NCBP1: variants seen among roughly 807,000 people sequenced by gnomAD.
NCBP1 encodes nuclear cap binding protein subunit 1, also known as nuclear cap-binding protein subunit 1.
In NCBP1, 16 loss-of-function variants were observed where a neutral mutation model predicts 111.7. That is an observed-to-expected ratio of 0.14 (90% CI 0.10 to 0.22). The LOEUF (loss-of-function observed/expected upper bound fraction) is 0.22, where lower values mean the gene tolerates loss of function less well. NCBP1 is among the 10% of genes least tolerant of loss of function. The probability of loss-of-function intolerance (pLI) is 1.00; values close to 1 mark genes in which losing one functional copy is unlikely to be tolerated. For synonymous variants in NCBP1, 304 were observed against 314.3 expected, an observed-to-expected ratio of 0.97 and a Z score of 0.35; for missense variants, 607 against 957.5, an observed-to-expected ratio of 0.63 and a Z score of 4.83.
chr9:97,638,353 A>G (rs1638240249), intron 1 of NCBP1, among the ~76,000 whole-genome samples: 1 of 152,112 alleles, frequency 6.6e-6, no homozygotes, highest in African/African-American at 2.4e-5. Flanking sequence ...ATGTACATGT[A>G]TTTTCTAGTT....
intron 14 of NCBP1, among the ~76,000 whole-genome samples, chr9:97,657,532 G>T (rs1827695010): frequency 6.6e-6 from 1 of 152,074 alleles, no homozygotes; most frequent in African/African-American, 2.4e-5. Context: ...GTCAATATCT[G>T]CCAGCTTTCT....
intron 17 of NCBP1, 42 bp from the exon 18 acceptor site, chr9:97,662,912 G>T: frequency 7.1e-7 from 1 of 1,400,288 alleles, no homozygotes; most frequent in South Asian, 1.2e-5. Context: ...AATGTTTAAT[G>T]AATAAGTATA....
intron 20 of NCBP1, among the ~76,000 whole-genome samples, chr9:97,668,545 T>C (rs1828079874): frequency 1.3e-5 from 2 of 152,192 alleles, no homozygotes; most frequent in South Asian, 4.1e-4. Context: ...TTGTTACTGC[T>C]CAAATGGTCA....
intron 8 of NCBP1, among the ~76,000 whole-genome samples, chr9:97,649,228 T>A (rs1027035399): frequency 2.0e-5 from 3 of 152,186 alleles, no homozygotes; most frequent in Admixed American, 6.5e-5. Flanking sequence ...TGGCAGCCAT[T>A]GTACTGTTAT....
At chr9:97,645,267 G>A (rs761383913) in intron 5 of NCBP1, 43 bp downstream of exon 5, 1 of 1,438,526 alleles carries the variant, frequency 7.0e-7, no homozygotes, top group South Asian at 1.2e-5. Flanking sequence ...GTTCTTGAGG[G>A]GTTACTGAAT....
intron 18 of NCBP1, among the ~76,000 whole-genome samples, chr9:97,663,641 C>A (rs1055180001): frequency 6.6e-6 from 1 of 151,838 alleles, no homozygotes; most frequent in African/African-American, 2.4e-5. Flanking sequence ...TCCACCACCA[C>A]ACCTGGCTGA....
Position 97,663,477 on chromosome 9 carries a change from G to A in NCBP1, c.1797+430G>A, listed in dbSNP as rs377561282. On this transcript the variant is annotated intron_variant, in intron 18 of 22. Coordinates refer to ENST00000375147, the MANE Select transcript of NCBP1 (RefSeq NM_002486.5). ...TATGTATTTTTTTGAATACGTATTA[G>A]TACCTGAAATTTAAATTTTTTTTTG... is the stretch of plus-strand genomic sequence containing the variant. Among the ~76,000 whole-genome samples, 235 of 152,048 alleles carry A rather than the reference G, an allele frequency of 1.5e-3. 1 individual carries two copies. Among genetic ancestry groups the A allele is most frequent in the African/African-American group, 5.4e-3 (226 of 41,502 alleles).
chr9:97,664,586 A>G, intron 19 of NCBP1, 143 bp downstream of exon 19: 1 of 558,202 alleles, frequency 1.8e-6, no homozygotes, highest in Non-Finnish European at 3.2e-6. Context: ...GGACATGGCA[A>G]AAATTCCTAG....
At chr9:97,643,150 C>G in intron 3 of NCBP1, 54 bp from the exon 4 acceptor site, 1 of 1,495,524 alleles carries the variant, frequency 6.7e-7, no homozygotes, top group Non-Finnish European at 8.9e-7. Context: ...TAAAATTCAG[C>G]AACTTAACGC....
chr9:97,666,682 A>G, intron 19 of NCBP1, 81 bp from the exon 20 acceptor site: 1 of 905,532 alleles, frequency 1.1e-6, no homozygotes, highest in South Asian at 1.8e-5. Flanking sequence ...GCTGTTAAGA[A>G]TGAAATTACA....
chr9:97,641,864 T>C (rs1297949089), intron 3 of NCBP1, among the ~76,000 whole-genome samples: 2 of 152,170 alleles, frequency 1.3e-5, no homozygotes, highest in Non-Finnish European at 2.9e-5. Context: ...ACATTTTCCT[T>C]GTATGTTCTT....
At chr9:97,636,637 C>CATACATATATAT (rs1391066464) in intron 1 of NCBP1, among the ~76,000 whole-genome samples, 1 of 111,272 alleles carries the variant, frequency 9.0e-6, no homozygotes, top group African/African-American at 3.2e-5. Flanking sequence ...GAAAGTAATA[C>CATACATATATAT]ATATATATAT....
At chr9:97,637,010 G>T (rs547511481) in intron 1 of NCBP1, among the ~76,000 whole-genome samples, 2 of 152,144 alleles carry the variant, frequency 1.3e-5, no homozygotes, top group African/African-American at 2.4e-5. Context: ...GGGCACAAAA[G>T]CCTGAAGACT....
chr9:97,639,598 GCA>G (rs1220862367), intron 1 of NCBP1, among the ~76,000 whole-genome samples: 2 of 152,092 alleles, frequency 1.3e-5, no homozygotes, highest in Non-Finnish European at 1.5e-5. Flanking sequence ...CCGATTCCCT[GCA>G]CAGTTACAGG....
chr9:97,668,153 G>A (rs1828065219), intron 20 of NCBP1, among the ~76,000 whole-genome samples: 1 of 152,142 alleles, frequency 6.6e-6, no homozygotes, highest in African/African-American at 2.4e-5. Flanking sequence ...AAGTACCTTG[G>A]TATGTAACAC....
At chr9:97,637,583 G>T (rs1241234398) in intron 1 of NCBP1, among the ~76,000 whole-genome samples, 2 of 152,058 alleles carry the variant, frequency 1.3e-5, no homozygotes, top group Non-Finnish European at 2.9e-5. Flanking sequence ...GAAGTGAAAG[G>T]ATTTGTTATT....
chr9:97,636,019 C>G (rs997373714), intron 1 of NCBP1: 6 of 152,124 alleles, frequency 3.9e-5, no homozygotes, highest in Non-Finnish European at 5.9e-5. Context: ...AATCACTGTC[C>G]ATTTGGGTCT....
chr9:97,641,173 T>C (rs1221622834), intron 2 of NCBP1, among the ~76,000 whole-genome samples: 2 of 152,086 alleles, frequency 1.3e-5, no homozygotes, highest in African/African-American at 4.8e-5. Context: ...CTTGAGGTAA[T>C]TTGCCCAGAG....
At chr9:97,638,399 C>G (rs1405501481) in intron 1 of NCBP1, among the ~76,000 whole-genome samples, 1 of 152,124 alleles carries the variant, frequency 6.6e-6, no homozygotes, top group Non-Finnish European at 1.5e-5. Flanking sequence ...TCCCACAGCA[C>G]TATTTTCCCC....
Sources: allele counts gnomAD v4.1 joint callset (sites outside exome capture counted in the v4.1 genomes callset), GRCh38; gene constraint gnomAD v4.1.1; transcripts MANE v1.5; gene names NCBI Gene and HGNC (gene_info 2026-07-23, HGNC 2026-07-21).